The following FCHSD2 variants were observed in gnomAD, a reference collection of about 807,000 sequenced individuals.
The protein encoded by FCHSD2 is F-BAR and double SH3 domains protein 2.
FCHSD2 carries 38 observed loss-of-function variants against 108.1 expected under a neutral mutation model. That is an observed-to-expected ratio of 0.35 (90% CI 0.27 to 0.46). The LOEUF (loss-of-function observed/expected upper bound fraction) is 0.46, where lower values mean the gene tolerates loss of function less well. Among genes scored for constraint, FCHSD2 ranks in the 20% least tolerant of loss-of-function variants. The pLI is 1.00. For synonymous variants in FCHSD2, 279 were observed against 314.7 expected (o/e 0.89, Z 1.20); for missense variants, 751 against 897.8 (o/e 0.84, Z 2.09).
At chr11:72,967,749 C>T (rs778814331) in intron 8 of FCHSD2, among the ~76,000 whole-genome samples, 10 of 151,992 alleles carry the variant, frequency 6.6e-5, no homozygotes, top group South Asian at 2.1e-4. Flanking sequence ...CATTTTAAAA[C>T]GGTGAGTTTT....
intron 2 of FCHSD2, among the ~76,000 whole-genome samples, chr11:73,084,902 G>A (rs1241644205): frequency 6.6e-6 from 1 of 151,246 alleles, no homozygotes; most frequent in African/African-American, 2.4e-5. Context: ...GCCAGGAATC[G>A]GTGCTCTTAA....
Position 73,041,708 on chromosome 11 carries a change from T to C in FCHSD2, c.166-25823A>G, listed in dbSNP as rs1217878749. Among the ~76,000 whole-genome samples, 2 of 152,200 alleles carry C rather than the reference T, an allele frequency of 1.3e-5. 1 individual carries two copies. Among genetic ancestry groups the C allele is most frequent in the African/African-American group, 4.8e-5 (2 of 41,456 alleles). On this transcript the variant is annotated intron_variant, in intron 3 of 19. Coordinates refer to ENST00000409418, the MANE Select transcript of FCHSD2 (RefSeq NM_014824.3). Reference sequence around the variant, plus strand: ...TTCTACAGGTTGTCTCTTCACTATGTTGACTGTTTCTTTGATGTGCAGAAG... The same window carrying C: ...TTCTACAGGTTGTCTCTTCACTATGCTGACTGTTTCTTTGATGTGCAGAAG...
intron 7 of FCHSD2, 35 bp from the exon 8 acceptor site, chr11:72,984,251 C>G (rs1474903373): frequency 1.2e-6 from 2 of 1,609,300 alleles, no homozygotes; most frequent in African/African-American, 2.7e-5. Context: ...TCAGTGCAAA[C>G]TGATATTGTA....
intron 12 of FCHSD2, among the ~76,000 whole-genome samples, chr11:72,874,271 C>A (rs555704222): frequency 7.2e-5 from 11 of 152,314 alleles, no homozygotes; most frequent in African/African-American, 2.2e-4. Flanking sequence ...ACTGCAGCCT[C>A]GAACTGCTGG....
chr11:72,983,618 A>G (rs1295981254), intron 8 of FCHSD2: 1 of 185,952 alleles, frequency 5.4e-6, no homozygotes, highest in Non-Finnish European at 1.1e-5. Context: ...TTCTTATAAA[A>G]ATTTTTCAAA....
At chr11:72,853,326 C>T (rs532548262) in intron 13 of FCHSD2, among the ~76,000 whole-genome samples, 9 of 152,220 alleles carry the variant, frequency 5.9e-5, no homozygotes, top group Middle Eastern at 3.4e-3. Context: ...TCACCTTATA[C>T]GATACACAGA....
chr11:72,979,684 A>G (rs75029744), intron 8 of FCHSD2, among the ~76,000 whole-genome samples: 3,655 of 152,290 alleles, frequency 0.024, 145 homozygotes, highest in African/African-American at 0.084. Context: ...TAGTATCTCA[A>G]AAAACTTACT....
intron 3 of FCHSD2, among the ~76,000 whole-genome samples, chr11:73,024,314 T>C (rs779418494): frequency 2.0e-5 from 3 of 152,144 alleles, no homozygotes; most frequent in Non-Finnish European, 4.4e-5. Context: ...AATGTGTTTA[T>C]AAATGGATTC....
chr11:73,085,096 T>C (rs142485523), intron 2 of FCHSD2, among the ~76,000 whole-genome samples: 12 of 152,346 alleles, frequency 7.9e-5, no homozygotes, highest in African/African-American at 2.9e-4. Flanking sequence ...TCTTACTATA[T>C]TTGTTTTGAG....
At chr11:72,897,908 G>A (rs767126945) in intron 10 of FCHSD2, among the ~76,000 whole-genome samples, 8 of 152,134 alleles carry the variant, frequency 5.3e-5, no homozygotes, top group Non-Finnish European at 1.0e-4. Flanking sequence ...ACTTTTTCTA[G>A]AAAGAGCTCT....
chr11:72,998,190 G>C (rs1268647146), intron 5 of FCHSD2, among the ~76,000 whole-genome samples: 1 of 152,214 alleles, frequency 6.6e-6, no homozygotes, highest in Non-Finnish European at 1.5e-5. Flanking sequence ...TATCTTGCTA[G>C]AAGATTTTTA....
intron 2 of FCHSD2, among the ~76,000 whole-genome samples, chr11:73,130,170 G>A (rs1007096397): frequency 1.3e-5 from 2 of 152,068 alleles, no homozygotes; most frequent in African/African-American, 4.8e-5. Context: ...CACCGCGCCT[G>A]GCCCATAATC....
chr11:73,141,866 C>T lies in FCHSD2; in HGVS notation c.12G>A (p.Pro4=), dbSNP rs1226429287. 3 of 1,544,650 alleles carry T rather than the reference C, an allele frequency of 1.9e-6. No individual in the cohort carries two copies. The highest frequency in any genetic ancestry group is 2.0e-5 in the Admixed American group (1 of 50,744). Residue 4 remains proline (P), a synonymous_variant, in exon 1 of 20, where the codon CCG becomes CCA. Transcript: ENST00000409418. ...CCAGCTGCGCCCTTACCTTCCTCGG[C>T]GGCGGCTGCATGATGCTGAAGGGAC... The part of the protein sequence containing the change: MQP[P]PRKVKVTQEL...
At chr11:73,062,924 G>T (rs1313144278) in intron 3 of FCHSD2, among the ~76,000 whole-genome samples, 2 of 152,072 alleles carry the variant, frequency 1.3e-5, no homozygotes, top group African/African-American at 4.8e-5. Context: ...TTCAAATTCA[G>T]GAAATACATA....
chr11:73,081,246 C>T (rs911795660), intron 3 of FCHSD2, among the ~76,000 whole-genome samples: 1 of 152,014 alleles, frequency 6.6e-6, no homozygotes, highest in Non-Finnish European at 1.5e-5. Context: ...TCATCTTGCC[C>T]ACTATGGTGA....
Position 73,010,047 on chromosome 11 carries a change from G to T in FCHSD2, c.242+5762C>A, listed in dbSNP as rs181424154. Among the ~76,000 whole-genome samples, 9 of 152,064 alleles carry T rather than the reference G, an allele frequency of 5.9e-5. No homozygotes were observed. In the East Asian group the frequency reaches 1.7e-3, roughly 29 times the overall value. On this transcript the variant is annotated intron_variant, in intron 4 of 19. Coordinates refer to ENST00000409418, the MANE Select transcript of FCHSD2 (RefSeq NM_014824.3). ...GGGAAACCAATAATATGTGTATTTG[G>T]TCACTTTATGTTGTCCCATATATCA...
intron 13 of FCHSD2, among the ~76,000 whole-genome samples, chr11:72,854,370 C>T (rs1215210132): frequency 6.6e-6 from 1 of 152,186 alleles, no homozygotes; most frequent in Non-Finnish European, 1.5e-5. Context: ...GTATATACCA[C>T]AAACCAAATA....
intron 5 of FCHSD2, among the ~76,000 whole-genome samples, chr11:72,998,376 C>G (rs578054597): frequency 6.6e-6 from 1 of 152,078 alleles, no homozygotes; most frequent in Non-Finnish European, 1.5e-5. Flanking sequence ...CCTGTCTCTA[C>G]TAAAAATACA....
At chr11:72,986,639 T>C (rs1857317726) in intron 6 of FCHSD2, among the ~76,000 whole-genome samples, 1 of 152,216 alleles carries the variant, frequency 6.6e-6, no homozygotes, top group Non-Finnish European at 1.5e-5. Flanking sequence ...GTTCTCCTTT[T>C]TTTACAGTCA....
Sources: gnomAD v4.1 joint callset for allele counts (sites outside exome capture counted in the v4.1 genomes callset) on GRCh38, gnomAD v4.1.1 for gene constraint, MANE v1.5 for transcripts, NCBI Gene and HGNC (gene_info 2026-07-23, HGNC 2026-07-21) for gene names.